LEPROTL1: variants seen among roughly 807,000 people sequenced by gnomAD.
LEPROTL1 encodes leptin receptor overlapping transcript-like 1.
A neutral mutation model predicts 15.4 loss-of-function variants in LEPROTL1; 6 were observed. The observed-to-expected ratio is 0.39, with a 90% CI of 0.21 to 0.77. The LOEUF is 0.77. Among genes scored for constraint, LEPROTL1 ranks in the 30% least tolerant of loss-of-function variants. The pLI is 0.41. For synonymous variants in LEPROTL1, 56 were observed against 52.6 expected, an observed-to-expected ratio of 1.06 and a Z score of -0.28; for missense variants, 128 against 158.1, an observed-to-expected ratio of 0.81 and a Z score of 1.02.
intron 3 of LEPROTL1, among the ~76,000 whole-genome samples, 186 bp from the exon 4 acceptor site, chr8:30,105,560 A>G (rs934217741): frequency 7.4e-5 from 11 of 147,724 alleles, no homozygotes; most frequent in Non-Finnish European, 1.5e-4. Context: ...TTTATACTAT[A>G]TATTTTTTTA....
At chr8:30,116,468 A>G (rs1011769538) in intron 3 of LEPROTL1, among the ~76,000 whole-genome samples, 5 of 152,200 alleles carry the variant, frequency 3.3e-5, no homozygotes, top group Non-Finnish European at 2.9e-5. Context: ...GATCCCTCGC[A>G]TGTGCAATTC....
At chr8:30,137,696 C>G (rs1803179237) in exon 5 of LEPROTL1, 3 of 583,306 alleles carry the variant, frequency 5.1e-6, no homozygotes, top group Non-Finnish European at 9.1e-6. Context: ...ATTCCCGGGA[C>G]TCATTTTGGG....
At chr8:30,099,927 A>G (rs556921863) in intron 1 of LEPROTL1, among the ~76,000 whole-genome samples, 169 of 152,344 alleles carry the variant, frequency 1.1e-3, no homozygotes, top group African/African-American at 3.6e-3. Context: ...GTGACACGTC[A>G]CAGGAGAGGT....
downstream of LEPROTL1, chr8:30,138,197 A>T (rs1803188914): frequency 5.2e-6 from 1 of 192,138 alleles, no homozygotes; most frequent in Non-Finnish European, 1.1e-5. Context: ...AGCTTGGAGT[A>T]ATAATAAAAC....
At position 30,106,718 on chromosome 8, in the gene LEPROTL1, T is replaced by G. The variant is rs1210817616; in HGVS notation, c.*856T>G. 3.0e-6 allele frequency: 3 copies of G among 985,124 alleles called. No individual in the cohort carries two copies. The African/African-American group carries it at 5.2e-5, about 17-fold the overall frequency. The allele number at this position is 985,124 out of a possible 1,614,324, so 61.0% of individuals were successfully genotyped here. A position where few individuals can be genotyped will look rare whatever the true frequency, so the allele number is the denominator to read the frequency against. ...TATAAGTGAAATTTGTGATCTCCTATCAACCTTTCATGTTTTACCCTGTTA... is the reference window on the plus strand; with the variant it reads ...TATAAGTGAAATTTGTGATCTCCTAGCAACCTTTCATGTTTTACCCTGTTA... On this transcript the variant is annotated 3_prime_UTR_variant, in exon 4 of 4. Coordinates refer to ENST00000321250, the MANE Select transcript of LEPROTL1 (RefSeq NM_015344.3).
intron 1 of LEPROTL1, chr8:30,096,144 C>G: frequency 3.0e-6 from 1 of 337,722 alleles, no homozygotes; most frequent in Non-Finnish European, 4.2e-6. Flanking sequence ...TGGCTCTCTT[C>G]CCTCTCCGCA....
At position 30,117,589 on chromosome 8, in the gene LEPROTL1, CA is replaced by C. The variant is rs1802760983; in HGVS notation, c.279+13105del. The C allele has an allele frequency of 7.7e-6, 11 of 1,430,896 alleles. No individual in the cohort carries two copies. The African/African-American group carries it at 1.4e-4, about 18-fold the overall frequency. 88.6% of individuals were successfully genotyped at this position (1,430,896 alleles called of 1,614,324 possible). The stretch of plus-strand genomic sequence containing the variant: ...TTGTTTAGCCTGTCTGTGAGGTTCA[CA>C]ACAATTTTCCCAGCTCTGTGATCAT... On this transcript the variant is annotated intron_variant, in intron 3 of 4. Transcript: ENST00000442880.
At chr8:30,132,405 C>T (rs1803041698) in exon 4 of LEPROTL1, 2 of 1,551,656 alleles carry the variant, frequency 1.3e-6, no homozygotes, top group African/African-American at 2.7e-5. Flanking sequence ...GGACATATCC[C>T]TCCTCTCCAG....
At position 30,101,911 on chromosome 8, in the gene LEPROTL1, G is replaced by A. The variant is rs1242395546; in HGVS notation, c.30G>A (p.Leu10=). MAGIKALIS[L]SFGGAIGLMF... ...TTTGCTTTGCAGCTTTGATTAGTTT[G>A]TCCTTTGGAGGAGCAATCGGACTGA... is the stretch of plus-strand genomic sequence containing the variant. The change falls in exon 2 of 4, where the codon TTG becomes TTA. Residue 10 remains leucine, a synonymous_variant. Coordinates refer to ENST00000321250, the MANE Select transcript of LEPROTL1 (RefSeq NM_015344.3). The A allele has an allele frequency of 1.2e-6, 2 of 1,605,586 alleles. No homozygotes were observed. Among genetic ancestry groups the A allele is most frequent in the Non-Finnish European group, 1.7e-6 (2 of 1,174,396 alleles).
At chr8:30,119,487 T>G (rs1802794854) in intron 3 of LEPROTL1, among the ~76,000 whole-genome samples, 1 of 152,188 alleles carries the variant, frequency 6.6e-6, no homozygotes, top group East Asian at 1.9e-4. Context: ...TATCTAGTTT[T>G]TTTATATAAA....
At position 30,137,407 on chromosome 8, in the gene LEPROTL1, G is replaced by A. The variant is rs77053651; in HGVS notation, c.*95G>A. On this transcript the variant is annotated 3_prime_UTR_variant, in exon 5 of 5. Coordinates refer to the LEPROTL1 transcript ENST00000442880. ...TGCAAGCAGAGTGTCCACTCAACCCGTGCTGAGGCTGGCAGACAGTGCTGA... is the reference window on the plus strand; with the variant it reads ...TGCAAGCAGAGTGTCCACTCAACCCATGCTGAGGCTGGCAGACAGTGCTGA... 4,964 of 1,551,634 alleles carry A rather than the reference G, an allele frequency of 3.2e-3. 145 individuals carry two copies. In the African/African-American group the frequency reaches 0.059, roughly 18 times the overall value.
chr8:30,097,304 C>G (rs1802381448), intron 1 of LEPROTL1, among the ~76,000 whole-genome samples: 1 of 148,036 alleles, frequency 6.8e-6, no homozygotes, highest in South Asian at 2.3e-4. Flanking sequence ...TATTTAACCT[C>G]TAATTGGCTA....
At chr8:30,102,397 T>C (rs1170986337) in intron 2 of LEPROTL1, among the ~76,000 whole-genome samples, 1 of 151,950 alleles carries the variant, frequency 6.6e-6, no homozygotes, top group Non-Finnish European at 1.5e-5. Flanking sequence ...ACACCTGTAA[T>C]CCCAGCATTT....
intron 3 of LEPROTL1, 66 bp from the exon 4 acceptor site, chr8:30,105,680 T>G: frequency 1.4e-6 from 2 of 1,405,386 alleles, no homozygotes; most frequent in Non-Finnish European, 2.0e-6. Flanking sequence ...ACTAGAGCCT[T>G]GATTTTTTTT....
chr8:30,105,866 G>A lies in LEPROTL1; in HGVS notation c.*4G>A, dbSNP rs746681440. 1 of 1,527,510 alleles carries A rather than the reference G, an allele frequency of 6.5e-7. No individual in the cohort carries two copies. Among genetic ancestry groups the A allele is most frequent in the Non-Finnish European group, 8.8e-7 (1 of 1,139,548 alleles). 94.6% of individuals were successfully genotyped at this position (1,527,510 alleles called of 1,614,324 possible). Reference sequence around the variant, plus strand: ...CTTCAGCTGGCAGCAGTGGTGAAAAGAAATTACTGAACTATTGTCAAATGG... The same window carrying A: ...CTTCAGCTGGCAGCAGTGGTGAAAAAAAATTACTGAACTATTGTCAAATGG... On this transcript the variant is annotated 3_prime_UTR_variant, in exon 4 of 4. Transcript: ENST00000321250.
chr8:30,124,982 C>T (rs532461398), intron 3 of LEPROTL1, among the ~76,000 whole-genome samples: 18 of 152,292 alleles, frequency 1.2e-4, no homozygotes, highest in African/African-American at 4.3e-4. Flanking sequence ...CCTCACATGT[C>T]CTCAGGCTAA....
At chr8:30,110,625 T>C (rs1393566502), downstream of LEPROTL1, among the ~76,000 whole-genome samples, 1 of 151,982 alleles carries the variant, frequency 6.6e-6, no homozygotes, top group East Asian at 1.9e-4. Flanking sequence ...TCCCAGCTAC[T>C]TGGGAGGCTG....
At chr8:30,133,774 G>A (rs1803077036) in intron 4 of LEPROTL1, among the ~76,000 whole-genome samples, 1 of 123,206 alleles carries the variant, frequency 8.1e-6, no homozygotes, top group Non-Finnish European at 1.7e-5. Flanking sequence ...ACACATCCAA[G>A]TGAGACCCTG....
intron 3 of LEPROTL1, among the ~76,000 whole-genome samples, chr8:30,118,483 A>G (rs78210733): frequency 5.6e-4 from 85 of 152,352 alleles, no homozygotes; most frequent in African/African-American, 2.0e-3. Context: ...CTGAAAGTCC[A>G]ACAGTAAGGT....
Sources: gnomAD v4.1 joint callset for allele counts (sites outside exome capture counted in the v4.1 genomes callset) on GRCh38, gnomAD v4.1.1 for gene constraint, MANE v1.5 for transcripts, NCBI Gene and HGNC (gene_info 2026-07-23, HGNC 2026-07-21) for gene names.